Variants in KAT6B observed in about 807,000 individuals in gnomAD.
The protein encoded by KAT6B is lysine acetyltransferase 6B, also known as histone acetyltransferase KAT6B.
Under a neutral mutation model 187.5 loss-of-function variants are expected in KAT6B, and 10 were observed. The ratio of observed to expected loss-of-function variants is 0.05; its 90% CI spans 0.03 to 0.09. KAT6B has a LOEUF of 0.09. Among genes scored for constraint, KAT6B ranks in the 10% least tolerant of loss-of-function variants. The probability of loss-of-function intolerance (pLI) is 1.00; values close to 1 mark genes in which losing one functional copy is unlikely to be tolerated. For missense variants in KAT6B, 1,952 were observed against 2,558.9 expected, an observed-to-expected ratio of 0.76 and a Z score of 5.12; for synonymous variants, 861 against 926.8, an observed-to-expected ratio of 0.93 and a Z score of 1.29.
At chr10:74,906,934 G>A (rs1846804938) in intron 3 of KAT6B, among the ~76,000 whole-genome samples, 1 of 152,184 alleles carries the variant, frequency 6.6e-6, no homozygotes, top group Non-Finnish European at 1.5e-5. Flanking sequence ...CCACATGCCA[G>A]TGACTGCTTC....
At chr10:74,976,872 C>T (rs943558131) in intron 8 of KAT6B, 17 of 266,928 alleles carry the variant, frequency 6.4e-5, no homozygotes, top group African/African-American at 1.4e-4. Flanking sequence ...AGGGAGAAAA[C>T]GGATTTCATA....
Position 74,901,053 on chromosome 10 carries a change from T to C in KAT6B, c.621+57575T>C, listed in dbSNP as rs116164288. On this transcript the variant is annotated intron_variant, in intron 3 of 17. Coordinates refer to ENST00000287239, the MANE Select transcript of KAT6B (RefSeq NM_012330.4). Reference sequence around the variant, plus strand: ...TTAAATATCTTTTACACTTAAAATATCTTTTATATTTTATATTTGTGCTTT... The same window carrying C: ...TTAAATATCTTTTACACTTAAAATACCTTTTATATTTTATATTTGTGCTTT... Among the ~76,000 whole-genome samples the C allele has an allele frequency of 9.0e-3, 1,367 of 152,222 alleles. 21 individuals carry two copies. Among genetic ancestry groups the C allele is most frequent in the African/African-American group, 0.031 (1,308 of 41,534 alleles).
intron 3 of KAT6B, among the ~76,000 whole-genome samples, chr10:74,906,915 T>A (rs1846803338): frequency 6.6e-6 from 1 of 152,198 alleles, no homozygotes; most frequent in Admixed American, 6.5e-5. Flanking sequence ...AGCTTTGCAG[T>A]TTAAGTCCCC....
intron 3 of KAT6B, among the ~76,000 whole-genome samples, chr10:74,943,077 A>G (rs773307280): frequency 2.6e-5 from 4 of 152,228 alleles, no homozygotes; most frequent in Non-Finnish European, 5.9e-5. Flanking sequence ...GGTCATCTAT[A>G]TCAAAAATCC....
chr10:74,909,189 G>A lies in KAT6B; in HGVS notation c.622-50781G>A, dbSNP rs566148640. On this transcript the variant is annotated intron_variant, in intron 3 of 17. Transcript: ENST00000287239. ...AGTTCGAGACTAGCCTTGCCACAAT[G>A]GCGAAACCCCATCTCTACTAAAAAT... 1.6e-4 allele frequency among the ~76,000 whole-genome samples: 25 copies of A among 152,300 alleles called. No homozygotes were observed. The South Asian group carries it at 5.0e-3, about 30-fold the overall frequency.
At chr10:74,907,057 A>G (rs576876028) in intron 3 of KAT6B, among the ~76,000 whole-genome samples, 2 of 152,186 alleles carry the variant, frequency 1.3e-5, no homozygotes, top group Non-Finnish European at 2.9e-5. Flanking sequence ...TTGAGATTCC[A>G]CTGTGATCAA....
chr10:74,877,977 A>T (rs1427363988), intron 3 of KAT6B, among the ~76,000 whole-genome samples: 1 of 152,188 alleles, frequency 6.6e-6, no homozygotes. Context: ...CATTTTAAAC[A>T]AATAAGAAAT....
Position 74,957,207 on chromosome 10 carries a change from A to G in KAT6B, c.622-2763A>G, listed in dbSNP as rs531658253. ...AAAGTTTCATTTCGTACAAGTGACA[A>G]TTTTTAAAAGTTAATTAGACTTGGC... On this transcript the variant is annotated intron_variant, in intron 3 of 17. Coordinates refer to ENST00000287239, the MANE Select transcript of KAT6B (RefSeq NM_012330.4). Among the ~76,000 whole-genome samples, 67 of 152,320 alleles carry G rather than the reference A, an allele frequency of 4.4e-4. 1 individual carries two copies. The highest frequency in any genetic ancestry group is 1.5e-3 in the African/African-American group (61 of 41,568).
rs1843236352 is a variant in KAT6B at position 74,862,266 on chromosome 10, T to G, written c.621+18788T>G. Among the ~76,000 whole-genome samples the G allele has an allele frequency of 2.0e-5, 3 of 152,208 alleles. No individual in the cohort carries two copies. In the South Asian group the frequency reaches 6.2e-4, roughly 31 times the overall value. ...TCTTTGAGATCACCAAGTCCAGGGT[T>G]TTAAGGCTAAGGTTCAAGGAGCCCT... On this transcript the variant is annotated intron_variant, in intron 3 of 17. Coordinates refer to ENST00000287239, the MANE Select transcript of KAT6B (RefSeq NM_012330.4).
chr10:74,861,659 A>T (rs957037683), intron 3 of KAT6B, among the ~76,000 whole-genome samples: 1 of 152,152 alleles, frequency 6.6e-6, no homozygotes, highest in Non-Finnish European at 1.5e-5. Flanking sequence ...ATTACCTCTC[A>T]TTTTCCTGAT....
chr10:74,842,587 T>C lies in KAT6B; in HGVS notation c.-258-13T>C. On this transcript the variant is annotated splice_polypyrimidine_tract_variant and intron_variant, in intron 2 of 17. Transcript: ENST00000287239. Reference sequence around the variant, plus strand: ...CATTATTAAGAGACTTTCCCCTCTTTTTATCCTTTAAGGTCTTGATTTCCC... The same window carrying C: ...CATTATTAAGAGACTTTCCCCTCTTCTTATCCTTTAAGGTCTTGATTTCCC... 6.8e-6 allele frequency: 4 copies of C among 590,024 alleles called. No homozygotes were observed. The South Asian group carries it at 8.6e-5, about 13-fold the overall frequency. 36.5% of individuals were successfully genotyped at this position (590,024 alleles called of 1,614,324 possible).
At chr10:74,916,577 G>T (rs916824881) in intron 3 of KAT6B, among the ~76,000 whole-genome samples, 2 of 152,190 alleles carry the variant, frequency 1.3e-5, no homozygotes, top group African/African-American at 4.8e-5. Flanking sequence ...GTGGTTGAGA[G>T]TTGTGTATTG....
chr10:74,946,916 T>G (rs1339245292), intron 3 of KAT6B, among the ~76,000 whole-genome samples: 1 of 152,236 alleles, frequency 6.6e-6, no homozygotes, highest in African/African-American at 2.4e-5. Context: ...TCAGTGCCAC[T>G]TAACTGTATG....
chr10:74,872,920 G>A (rs1303772071), intron 3 of KAT6B, among the ~76,000 whole-genome samples: 1 of 152,060 alleles, frequency 6.6e-6, no homozygotes, highest in Admixed American at 6.6e-5. Flanking sequence ...TGGCAAATTT[G>A]GAATATGTAC....
chr10:74,830,760 A>ATATATG (rs1232604381), intron 1 of KAT6B, among the ~76,000 whole-genome samples: 4 of 27,010 alleles, frequency 1.5e-4, no homozygotes, highest in African/African-American at 1.1e-3. Flanking sequence ...ATATATATAT[A>ATATATG]TATATATATT....
intron 4 of KAT6B, among the ~76,000 whole-genome samples, chr10:74,969,442 A>G (rs1446797099): frequency 2.0e-5 from 3 of 152,184 alleles, no homozygotes; most frequent in Non-Finnish European, 4.4e-5. Context: ...CTTAGGGAAA[A>G]CATTCGTACA....
chr10:74,903,756 T>A (rs1368773326), intron 3 of KAT6B, among the ~76,000 whole-genome samples: 1 of 152,194 alleles, frequency 6.6e-6, no homozygotes, highest in Non-Finnish European at 1.5e-5. Flanking sequence ...AGCCACTGTT[T>A]GTGGCAGTAA....
chr10:75,021,600 C>G (rs967067534), intron 15 of KAT6B, among the ~76,000 whole-genome samples: 3 of 152,200 alleles, frequency 2.0e-5, no homozygotes, highest in Non-Finnish European at 4.4e-5. Context: ...TATGAACTTG[C>G]TTAAAGTGCT....
rs548702729 is a variant in KAT6B, at chr10:74,882,428, G to T, written c.621+38950G>T. On this transcript the variant is annotated intron_variant, in intron 3 of 17. Transcript: ENST00000287239. Reference sequence around the variant, plus strand: ...TTCTCACCTCTGGTAATTAAACTTTGTAAAAAAGAAATGTGACATTTGGAC... The same window carrying T: ...TTCTCACCTCTGGTAATTAAACTTTTTAAAAAAGAAATGTGACATTTGGAC... Among the ~76,000 whole-genome samples, 224 of 152,226 alleles carry T rather than the reference G, an allele frequency of 1.5e-3. 2 individuals are homozygous for T. Among genetic ancestry groups the T allele is most frequent in the Non-Finnish European group, 1.9e-4 (13 of 68,010 alleles).
Sources: allele counts gnomAD v4.1 joint callset (sites outside exome capture counted in the v4.1 genomes callset), GRCh38; gene constraint gnomAD v4.1.1; transcripts MANE v1.5; gene names NCBI Gene and HGNC (gene_info 2026-07-23, HGNC 2026-07-21).